The following RBFOX1 variants were observed in gnomAD, a reference collection of about 807,000 sequenced individuals.
The protein encoded by RBFOX1 is RNA binding fox-1 homolog 1.
Under a neutral mutation model 57.7 loss-of-function variants are expected in RBFOX1, and 8 were observed. The ratio of observed to expected loss-of-function variants is 0.14; its 90% CI spans 0.08 to 0.25. RBFOX1 has a LOEUF of 0.25. Ranked by LOEUF, RBFOX1 falls within the 10% of genes least tolerant of loss-of-function variation. The pLI is 1.00. For synonymous variants in RBFOX1, 326 were observed against 222.4 expected (o/e 1.47, Z -4.15); for missense variants, 611 against 548.5 (o/e 1.11, Z -1.14).
intron 4 of RBFOX1, among the ~76,000 whole-genome samples, chr16:5,940,010 G>A (rs2059247897): frequency 6.6e-6 from 1 of 152,134 alleles, no homozygotes; most frequent in African/African-American, 2.4e-5. Flanking sequence ...TGTAAAATGG[G>A]GCAGATGCCA....
chr16:5,785,552 A>G lies in RBFOX1; in HGVS notation c.319-81751A>G, dbSNP rs182610850. On this transcript the variant is annotated intron_variant, in intron 3 of 19. Transcript: ENST00000641259. ...CTTTCTTTTTCTTTTTTTGAGGCGG[A>G]GTTTCACTCTTGTTGCCCAGACTGG... 4.2e-3 allele frequency among the ~76,000 whole-genome samples: 630 copies of G among 148,680 alleles called. 1 individual carries two copies. Among genetic ancestry groups the G allele is most frequent in the Non-Finnish European group, 6.4e-3 (433 of 67,208 alleles).
At chr16:7,339,767 G>T (rs551984307) in intron 4 of RBFOX1, among the ~76,000 whole-genome samples, 2 of 152,124 alleles carry the variant, frequency 1.3e-5, no homozygotes, top group African/African-American at 4.8e-5. Context: ...GAATTCTTTT[G>T]TCTGCGATGA....
At chr16:5,554,226 C>G (rs1359455677) in intron 2 of RBFOX1, among the ~76,000 whole-genome samples, 1 of 152,094 alleles carries the variant, frequency 6.6e-6, no homozygotes, top group Non-Finnish European at 1.5e-5. Context: ...CCACGTTGAT[C>G]TCCGGAAGTG....
At chr16:6,104,403 C>T (rs534333091) in intron 1 of RBFOX1, among the ~76,000 whole-genome samples, 1 of 152,222 alleles carries the variant, frequency 6.6e-6, no homozygotes, top group East Asian at 1.9e-4. Flanking sequence ...AGGTAATATT[C>T]AAAGTAGGTT....
intron 2 of RBFOX1, among the ~76,000 whole-genome samples, chr16:6,498,352 A>G (rs2095830755): frequency 6.6e-6 from 1 of 152,166 alleles, no homozygotes; most frequent in African/African-American, 2.4e-5. Context: ...GAGCAGAAAT[A>G]TATATTGACA....
chr16:6,836,014 T>C (rs1340323738), intron 3 of RBFOX1, among the ~76,000 whole-genome samples: 2 of 152,136 alleles, frequency 1.3e-5, no homozygotes, highest in Non-Finnish European at 2.9e-5. Flanking sequence ...AGCTCAGAAA[T>C]ACAGTCTCTG....
At chr16:6,017,717 C>A (rs2095004402), upstream of RBFOX1, among the ~76,000 whole-genome samples, 1 of 152,178 alleles carries the variant, frequency 6.6e-6, no homozygotes, top group Non-Finnish European at 1.5e-5. Context: ...CAGAAGTTCC[C>A]TTTCTTTTAT....
At chr16:7,506,997 C>G (rs183262527) in intron 4 of RBFOX1, among the ~76,000 whole-genome samples, 281 of 152,226 alleles carry the variant, frequency 1.8e-3, no homozygotes, top group African/African-American at 6.4e-3. Flanking sequence ...AGATTTTTCC[C>G]TCTAAAGCAT....
At chr16:5,586,302 C>T (rs112099939) in intron 2 of RBFOX1, among the ~76,000 whole-genome samples, 4 of 152,088 alleles carry the variant, frequency 2.6e-5, no homozygotes, top group African/African-American at 7.2e-5. Flanking sequence ...GTGGCAATTG[C>T]GTGACGGCAG....
chr16:5,951,959 C>T (rs1460162274), intron 4 of RBFOX1, among the ~76,000 whole-genome samples: 1 of 151,132 alleles, frequency 6.6e-6, no homozygotes, highest in African/African-American at 2.4e-5. Context: ...TGCTGGTTAT[C>T]AGAGGTGGAG....
intron 2 of RBFOX1, among the ~76,000 whole-genome samples, chr16:5,581,516 T>C (rs1202292088): frequency 3.3e-5 from 5 of 152,170 alleles, no homozygotes; most frequent in Admixed American, 6.5e-5. Context: ...AGTAACTAAT[T>C]ACAAGCTTTA....
At chr16:7,226,322 G>A (rs752916058) in intron 4 of RBFOX1, among the ~76,000 whole-genome samples, 3 of 152,206 alleles carry the variant, frequency 2.0e-5, no homozygotes, top group African/African-American at 4.8e-5. Flanking sequence ...TGGAGAAGAG[G>A]TTCTTCTTCA....
chr16:6,053,893 G>A (rs915590834), intron 1 of RBFOX1, among the ~76,000 whole-genome samples: 1 of 151,878 alleles, frequency 6.6e-6, no homozygotes, highest in Non-Finnish European at 1.5e-5. Flanking sequence ...CCCTGTCTCT[G>A]CAAAAAGTGC....
At chr16:7,497,087 G>C (rs894192050) in intron 4 of RBFOX1, among the ~76,000 whole-genome samples, 5 of 152,090 alleles carry the variant, frequency 3.3e-5, no homozygotes, top group Non-Finnish European at 7.4e-5. Flanking sequence ...TGGCCAGCGT[G>C]GTCTTTCTAA....
At chr16:6,157,847 T>C (rs2096849394) in intron 1 of RBFOX1, among the ~76,000 whole-genome samples, 1 of 152,224 alleles carries the variant, frequency 6.6e-6, no homozygotes. Flanking sequence ...TTATGTCCTA[T>C]CATCTTTGTG....
intron 4 of RBFOX1, among the ~76,000 whole-genome samples, chr16:5,993,602 C>T (rs1449817401): frequency 2.6e-5 from 4 of 152,066 alleles, no homozygotes; most frequent in Non-Finnish European, 4.4e-5. Flanking sequence ...CTGATGTTCT[C>T]AGGTTGATAT....
chr16:7,366,638 A>T (rs975792441), intron 4 of RBFOX1, among the ~76,000 whole-genome samples: 10 of 147,180 alleles, frequency 6.8e-5, no homozygotes, highest in African/African-American at 2.4e-4. Context: ...GATGATATTG[A>T]TAGTTTTCTT....
chr16:7,266,604 G>A (rs1185110453), intron 4 of RBFOX1, among the ~76,000 whole-genome samples: 1 of 152,124 alleles, frequency 6.6e-6, no homozygotes, highest in Middle Eastern at 3.2e-3. Flanking sequence ...CCATCGCGTT[G>A]GAGGTTAGGG....
chr16:6,361,322 A>C (rs919211223), intron 2 of RBFOX1, among the ~76,000 whole-genome samples: 2 of 152,070 alleles, frequency 1.3e-5, no homozygotes, highest in African/African-American at 4.8e-5. Flanking sequence ...CAAGATTGAG[A>C]AGGTGCTGAG....
Sources: gnomAD v4.1 joint callset for allele counts (sites outside exome capture counted in the v4.1 genomes callset) on GRCh38, gnomAD v4.1.1 for gene constraint, MANE v1.5 for transcripts, NCBI Gene and HGNC (gene_info 2026-07-23, HGNC 2026-07-21) for gene names.